The following CAST variants were observed in gnomAD, a reference collection of about 807,000 sequenced individuals.
The protein encoded by CAST is calpastatin.
A neutral mutation model predicts 119.6 loss-of-function variants in CAST; 76 were observed. That is an observed-to-expected ratio of 0.64 (90% CI 0.53 to 0.77). The LOEUF (loss-of-function observed/expected upper bound fraction) is 0.77. CAST is among the 30% of genes least tolerant of loss of function. The pLI, the probability that CAST is intolerant of heterozygous loss-of-function variation, is 0.00. For synonymous variants in CAST, 319 were observed against 331.6 expected (o/e 0.96, Z 0.41); for missense variants, 953 against 946.5 (o/e 1.01, Z -0.09).
At chr5:96,255,459 A>C in the CAST span, among the ~76,000 whole-genome samples, 74 of 152,310 alleles carry the variant, frequency 4.9e-4, no homozygotes, top group Middle Eastern at 3.4e-3. Flanking sequence ...TTGATAAAGC[A>C]GCAATGACGA....
At chr5:96,722,937 GT>G (rs1197450178) in intron 4 of CAST, among the ~76,000 whole-genome samples, 1 of 150,948 alleles carries the variant, frequency 6.6e-6, no homozygotes, top group African/African-American at 2.4e-5. Context: ...ACCTAGAGTT[GT>G]TTTGTTTTGT....
the CAST span, among the ~76,000 whole-genome samples, chr5:96,508,007 T>G: frequency 6.7e-6 from 1 of 148,294 alleles, no homozygotes; most frequent in East Asian, 2.0e-4. Flanking sequence ...ATTATTATTA[T>G]TATTATTATT....
At chr5:96,225,218 A>G in the CAST span, among the ~76,000 whole-genome samples, 1 of 152,078 alleles carries the variant, frequency 6.6e-6, no homozygotes, top group Non-Finnish European at 1.5e-5. Context: ...CTTTGTTGCT[A>G]TTTGTTTTTT....
intron 1 of CAST, among the ~76,000 whole-genome samples, chr5:96,560,742 A>G (rs1456262660): frequency 6.6e-6 from 1 of 152,086 alleles, no homozygotes; most frequent in Non-Finnish European, 1.5e-5. Context: ...GAACACTTTT[A>G]CACTGTTGGT....
At chr5:96,055,920 ATATG>A in the CAST span, among the ~76,000 whole-genome samples, 2 of 152,102 alleles carry the variant, frequency 1.3e-5, no homozygotes, top group African/African-American at 4.8e-5. Flanking sequence ...TCTGACACAT[ATATG>A]TAACATGACA....
At chr5:96,066,773 C>A in the CAST span, among the ~76,000 whole-genome samples, 5 of 151,976 alleles carry the variant, frequency 3.3e-5, no homozygotes, top group Admixed American at 1.3e-4. Context: ...AATTCTCCCC[C>A]CTCAGTCTCC....
the CAST span, among the ~76,000 whole-genome samples, chr5:96,328,757 T>C: frequency 6.6e-6 from 1 of 152,316 alleles, no homozygotes; most frequent in Non-Finnish European, 1.5e-5. Context: ...TTCTTGATCC[T>C]GGTTCTTCAC....
chr5:96,430,573 G>A, the CAST span, among the ~76,000 whole-genome samples: 2 of 152,072 alleles, frequency 1.3e-5, no homozygotes, highest in African/African-American at 4.8e-5. Context: ...CTTAATCCAA[G>A]CTTTATCCTG....
At chr5:96,680,593 T>C (rs968325870) in intron 2 of CAST, among the ~76,000 whole-genome samples, 2 of 151,960 alleles carry the variant, frequency 1.3e-5, no homozygotes, top group African/African-American at 4.8e-5. Context: ...ATAAATAATG[T>C]GCTTTGTGAT....
At chr5:96,336,151 C>T in the CAST span, among the ~76,000 whole-genome samples, 4,355 of 152,238 alleles carry the variant, frequency 0.029, 213 homozygotes, top group African/African-American at 0.099. Flanking sequence ...GGGGCTGTCC[C>T]TTGTCTATCT....
At chr5:96,356,811 G>A in the CAST span, among the ~76,000 whole-genome samples, 2 of 152,124 alleles carry the variant, frequency 1.3e-5, no homozygotes, top group East Asian at 3.8e-4. Flanking sequence ...TCTTGGCTAT[G>A]CAGGCTCTTT....
At chr5:96,419,863 G>C in the CAST span, among the ~76,000 whole-genome samples, 1 of 152,106 alleles carries the variant, frequency 6.6e-6, no homozygotes, top group Non-Finnish European at 1.5e-5. Context: ...GAAGGTCTGA[G>C]TGTTCCATCT....
chr5:96,491,027 A>G, the CAST span, among the ~76,000 whole-genome samples: 1 of 152,116 alleles, frequency 6.6e-6, no homozygotes, highest in Non-Finnish European at 1.5e-5. Flanking sequence ...CTTATAATCA[A>G]TAAGGAAAAG....
chr5:96,663,668 A>G (rs949447974), intron 1 of CAST, among the ~76,000 whole-genome samples: 1 of 152,198 alleles, frequency 6.6e-6, no homozygotes, highest in Non-Finnish European at 1.5e-5. Context: ...ATCAAGGGGC[A>G]GAAGCAACTG....
At chr5:96,528,174 A>G (rs934071384), upstream of CAST, among the ~76,000 whole-genome samples, 3 of 152,216 alleles carry the variant, frequency 2.0e-5, no homozygotes, top group Non-Finnish European at 4.4e-5. Flanking sequence ...TCATACAGCT[A>G]GGAATTGGCA....
the CAST span, among the ~76,000 whole-genome samples, chr5:96,484,050 A>G: frequency 2.6e-5 from 4 of 152,156 alleles, no homozygotes; most frequent in African/African-American, 4.8e-5. Context: ...TTGTACTCCA[A>G]ACTTCAGAAC....
the CAST span, among the ~76,000 whole-genome samples, chr5:96,128,634 G>A: frequency 6.6e-6 from 1 of 152,078 alleles, no homozygotes; most frequent in Non-Finnish European, 1.5e-5. Flanking sequence ...TACTGAAAAC[G>A]ACTTCAGTAG....
At chr5:96,705,483 G>A (rs1025381830) in intron 3 of CAST, among the ~76,000 whole-genome samples, 16 of 152,040 alleles carry the variant, frequency 1.1e-4, no homozygotes, top group Non-Finnish European at 2.1e-4. Context: ...TGAACATTGC[G>A]ATTTGGGCAG....
chr5:96,614,005 A>G (rs557190880), intron 1 of CAST, among the ~76,000 whole-genome samples: 1 of 152,188 alleles, frequency 6.6e-6, no homozygotes, highest in African/African-American at 2.4e-5. Flanking sequence ...TATGAGTTAG[A>G]TGTTTTATGT....
Sources: allele counts gnomAD v4.1 joint callset (sites outside exome capture counted in the v4.1 genomes callset), GRCh38; gene constraint gnomAD v4.1.1; transcripts MANE v1.5; gene names NCBI Gene and HGNC (gene_info 2026-07-23, HGNC 2026-07-21).